PIK3C2A: variants seen among roughly 807,000 people sequenced by gnomAD.
PIK3C2A encodes phosphatidylinositol-4-phosphate 3-kinase catalytic subunit type 2 alpha.
Under a neutral mutation model 204.5 loss-of-function variants are expected in PIK3C2A, and 97 were observed. The observed-to-expected ratio is 0.47, with a 90% CI of 0.40 to 0.56. The LOEUF (loss-of-function observed/expected upper bound fraction) is 0.56. Among genes scored for constraint, PIK3C2A ranks in the 20% least tolerant of loss-of-function variants. The pLI is 0.00. For synonymous variants in PIK3C2A, 653 were observed against 664.4 expected (o/e 0.98, Z 0.26); for missense variants, 1,735 against 1,969.2 (o/e 0.88, Z 2.25).
intron 19 of PIK3C2A, among the ~76,000 whole-genome samples, chr11:17,116,824 C>T (rs1267441011): frequency 6.6e-6 from 1 of 152,050 alleles, no homozygotes; most frequent in African/African-American, 2.4e-5. Flanking sequence ...CTCCTGACCT[C>T]GTGATCTGCC....
In PIK3C2A at chr11:17,169,233, T is replaced by C. The variant is rs760224769; in HGVS notation, c.509A>G (p.Asn170Ser). The change falls in exon 2 of 33, where the codon AAT becomes AGT. Residue 170 changes from asparagine (N) to serine (S), a missense_variant. Physicochemically the swap from Asn to Ser is conservative, Grantham distance 46. Transcript: ENST00000691414. ...AGTGGGCATTCTTGGATTGAAGCCA[T>C]TTTGGAATGCAGCCTGTTTACTGTA... is the stretch of plus-strand genomic sequence containing the variant. ...STYSKQAAFQNGFNPRMPTFP... is the reference protein window; with the variant it reads ...STYSKQAAFQSGFNPRMPTFP... 1.9e-5 allele frequency: 30 copies of C among 1,613,974 alleles called. No individual in the cohort carries two copies. Among genetic ancestry groups the C allele is most frequent in the Non-Finnish European group, 4.2e-6 (5 of 1,179,990 alleles).
At chr11:17,193,473 G>A in intron 1 of PIK3C2A, 3 of 430,596 alleles carry the variant, frequency 7.0e-6, no homozygotes, top group Admixed American at 2.5e-5. Flanking sequence ...CAGGAGCCAT[G>A]GCTTAGGGTG....
rs781454305 is a variant in PIK3C2A at position 17,102,665 on chromosome 11, T to C, written c.3848A>G (p.Lys1283Arg). The C allele has an allele frequency of 5.0e-6, 8 of 1,607,604 alleles. No individual in the cohort carries two copies. The South Asian group carries it at 7.8e-5, about 16-fold the overall frequency. Residue 1283 changes from lysine to arginine, a missense_variant, in exon 24 of 33, where the codon AAA (lysine) becomes AGA (arginine). Transcript: ENST00000691414. ...GGCAACAGCAATAACATTATACCTTTTGAAGCTGCCAAACATCTGTGCATG... is the reference window on the plus strand; with the variant it reads ...GGCAACAGCAATAACATTATACCTTCTGAAGCTGCCAAACATCTGTGCATG... ...LGHAQMFGSF[K>R]RDRAPFVLTS...
rs1848765761 is a variant in PIK3C2A at position 17,105,104 on chromosome 11, G to T, written c.3681+65C>A. On this transcript the variant is annotated intron_variant, in intron 23 of 32. Transcript: ENST00000691414. ...TGGTCACCAGAGCTGGAAAATGAAA[G>T]AACTTAAAACCTCTGTAACACATTT... 6.2e-6 allele frequency: 8 copies of T among 1,295,568 alleles called. No individual in the cohort carries two copies. In the Admixed American group the frequency reaches 9.3e-5, roughly 15 times the overall value. The allele number at this position is 1,295,568 out of a possible 1,614,324, so 80.3% of individuals were successfully genotyped here. A position where few individuals can be genotyped will look rare whatever the true frequency, so the allele number is the denominator to read the frequency against.
At position 17,194,913 on chromosome 11, in the gene PIK3C2A, G is replaced by GA. The variant is rs36004617; in HGVS notation, c.-66+12934dup. 1.0e-2 allele frequency among the ~76,000 whole-genome samples: 1,412 copies of GA among 141,760 alleles called. 29 individuals are homozygous for GA. Among genetic ancestry groups the GA allele is most frequent in the African/African-American group, 0.027 (1,055 of 38,530 alleles). The allele number at this position is 141,760 out of a possible 152,430, so 93.0% of individuals were successfully genotyped here. ...AACAAGAACGAAACTCCATCTCGAA[G>GA]AAAAAAAAAAAAAGATTAATTCTAA... On this transcript the variant is annotated intron_variant, in intron 1 of 32. Coordinates refer to ENST00000691414, the MANE Select transcript of PIK3C2A (RefSeq NM_002645.4).
chr11:17,154,007 T>A (rs1336720425), intron 3 of PIK3C2A, among the ~76,000 whole-genome samples: 1 of 152,206 alleles, frequency 6.6e-6, no homozygotes, highest in African/African-American at 2.4e-5. Flanking sequence ...CATAGTCTAC[T>A]AATGAAAATA....
chr11:17,184,689 CT>C (rs1851692854), intron 1 of PIK3C2A, among the ~76,000 whole-genome samples: 1 of 152,102 alleles, frequency 6.6e-6, no homozygotes, highest in South Asian at 2.1e-4. Flanking sequence ...AATCCCAGCA[CT>C]TTGGGTGGCC....
intron 1 of PIK3C2A, among the ~76,000 whole-genome samples, chr11:17,198,703 G>A (rs575872713): frequency 6.6e-6 from 1 of 152,040 alleles, no homozygotes; most frequent in East Asian, 1.9e-4. Context: ...GAGGCAGAAG[G>A]ATCCTTTGAG....
chr11:17,099,864 T>C lies in PIK3C2A; in HGVS notation c.4114A>G (p.Thr1372Ala). 1 of 1,393,872 alleles carries C rather than the reference T, an allele frequency of 7.2e-7. No homozygotes were observed. Among genetic ancestry groups the C allele is most frequent in the Non-Finnish European group, 1.0e-6 (1 of 981,536 alleles). The allele number at this position is 1,393,872 out of a possible 1,614,324, so 86.3% of individuals were successfully genotyped here. A position where few individuals can be genotyped will look rare whatever the true frequency, so the allele number is the denominator to read the frequency against. ...TTDAEATIFF[T>A]RLIESSLGSI... ...ATATACTTAAATATGCTTTACCTAG[T>C]AAAGAAAATTGTAGCTTCTGCGTCT... Residue 1372 changes from threonine (T) to alanine (A), a missense_variant, in exon 26 of 33, where the codon ACT becomes GCT. Physicochemically the swap from Thr to Ala is moderately conservative, Grantham distance 58 (BLOSUM62 0). Coordinates refer to ENST00000691414, the MANE Select transcript of PIK3C2A (RefSeq NM_002645.4).
chr11:17,125,431 G>A (rs935495036), intron 13 of PIK3C2A, among the ~76,000 whole-genome samples: 4 of 152,070 alleles, frequency 2.6e-5, no homozygotes, highest in Admixed American at 1.3e-4. Flanking sequence ...GAGAAACCCT[G>A]GCCGAAATCT....
intron 9 of PIK3C2A, among the ~76,000 whole-genome samples, chr11:17,135,787 G>A (rs919610112): frequency 6.6e-6 from 1 of 151,830 alleles, no homozygotes; most frequent in African/African-American, 2.4e-5. Flanking sequence ...ATACCACATG[G>A]ATAGGATCTT....
At chr11:17,134,797 G>C (rs1391746873) in intron 11 of PIK3C2A, 22 bp downstream of exon 11, 3 of 1,566,302 alleles carry the variant, frequency 1.9e-6, no homozygotes, top group East Asian at 4.5e-5. Flanking sequence ...CACCATGCCT[G>C]GCTGCTTAAA....
chr11:17,181,574 C>T (rs1851553252), intron 1 of PIK3C2A, among the ~76,000 whole-genome samples: 1 of 144,238 alleles, frequency 6.9e-6, no homozygotes, highest in Non-Finnish European at 1.5e-5. Flanking sequence ...CAACACCAAC[C>T]TGGGCAACAT....
At chr11:17,118,802 C>CT in intron 17 of PIK3C2A, 63 bp from the exon 18 acceptor site, 1 of 764,230 alleles carries the variant, frequency 1.3e-6, no homozygotes, top group Admixed American at 2.4e-5. Flanking sequence ...TCCAATAAAA[C>CT]TATCAAAAGA....
intron 1 of PIK3C2A, among the ~76,000 whole-genome samples, chr11:17,206,284 T>A (rs1852571403): frequency 6.6e-6 from 1 of 152,124 alleles, no homozygotes. Context: ...TGGAAGAAAC[T>A]CCATATGTGC....
chr11:17,147,742 C>T, intron 5 of PIK3C2A, 114 bp from the exon 6 acceptor site: 1 of 611,462 alleles, frequency 1.6e-6, no homozygotes, highest in Non-Finnish European at 2.9e-6. Context: ...GAAACAGAGA[C>T]AGTTTTAAAA....
intron 8 of PIK3C2A, among the ~76,000 whole-genome samples, chr11:17,143,869 A>G (rs1005697826): frequency 2.0e-5 from 3 of 152,152 alleles, no homozygotes; most frequent in African/African-American, 7.2e-5. Flanking sequence ...CCCAGGAGGC[A>G]GAGATTACAG....
chr11:17,190,623 A>G (rs1196312188), intron 1 of PIK3C2A, among the ~76,000 whole-genome samples: 3 of 152,122 alleles, frequency 2.0e-5, no homozygotes, highest in Admixed American at 2.0e-4. Flanking sequence ...TCTAGTAGAA[A>G]AGATAGACAA....
Position 17,117,593 on chromosome 11 carries a change from T to A in PIK3C2A, c.3114A>T (p.Gly1038=). ...EHVLGALLSV[G]GKRLREELLK... The stretch of plus-strand genomic sequence containing the variant: ...GAAGTTCTTCTCTAAGTCGTTTTCC[T>A]CCTACTGACAGGAGAGCACCCAAAA... Residue 1038 remains glycine, a synonymous_variant, in exon 19 of 33, where the codon GGA becomes GGT. Transcript: ENST00000691414. 1.2e-6 allele frequency: 2 copies of A among 1,613,182 alleles called. No individual in the cohort carries two copies. Among genetic ancestry groups the A allele is most frequent in the Non-Finnish European group, 1.7e-6 (2 of 1,179,268 alleles).
Sources: allele counts gnomAD v4.1 joint callset (sites outside exome capture counted in the v4.1 genomes callset), GRCh38; gene constraint gnomAD v4.1.1; transcripts MANE v1.5; gene names NCBI Gene and HGNC (gene_info 2026-07-23, HGNC 2026-07-21).